Variants in RNF144A observed in about 807,000 individuals in gnomAD.
RNF144A encodes the protein E3 ubiquitin-protein ligase RNF144A.
A neutral mutation model predicts 38.7 loss-of-function variants in RNF144A; 11 were observed. That is an observed-to-expected ratio of 0.28 (90% CI 0.18 to 0.47). The LOEUF (loss-of-function observed/expected upper bound fraction) is 0.47. RNF144A is among the 20% of genes least tolerant of loss of function. The probability of loss-of-function intolerance (pLI) is 0.99; values close to 1 mark genes in which losing one functional copy is unlikely to be tolerated. For synonymous variants in RNF144A, 149 were observed against 143.9 expected (o/e 1.04, Z -0.25); for missense variants, 316 against 377.2 (o/e 0.84, Z 1.34).
intron 6 of RNF144A, among the ~76,000 whole-genome samples, chr2:7,058,279 G>A (rs1383147692): frequency 5.3e-5 from 8 of 150,274 alleles, no homozygotes; most frequent in Admixed American, 1.3e-4. Context: ...CCCAAGCCAC[G>A]AGGGTAACAT....
At chr2:6,977,624 G>A (rs1025734137) in intron 2 of RNF144A, among the ~76,000 whole-genome samples, 2 of 152,298 alleles carry the variant, frequency 1.3e-5, no homozygotes, top group African/African-American at 2.4e-5. Flanking sequence ...CAGGAGAAGC[G>A]GTAAACCTTT....
At chr2:7,047,400 G>C (rs1275689619), downstream of RNF144A, among the ~76,000 whole-genome samples, 1 of 152,198 alleles carries the variant, frequency 6.6e-6, no homozygotes, top group Non-Finnish European at 1.5e-5. Flanking sequence ...GTTCCACATG[G>C]CGGGGGAGGC....
intron 2 of RNF144A, among the ~76,000 whole-genome samples, chr2:6,963,898 T>G (rs765370824): frequency 2.0e-5 from 3 of 152,162 alleles, no homozygotes; most frequent in Non-Finnish European, 1.5e-5. Context: ...AGAGCCATCC[T>G]TCTGGCAGCT....
At chr2:6,940,153 A>C (rs1030028767) in intron 1 of RNF144A, among the ~76,000 whole-genome samples, 1 of 152,212 alleles carries the variant, frequency 6.6e-6, no homozygotes, top group African/African-American at 2.4e-5. Context: ...CAATCTGTTA[A>C]TATATTAGTT....
At chr2:7,048,305 G>T (rs557040103), downstream of RNF144A, among the ~76,000 whole-genome samples, 1 of 152,172 alleles carries the variant, frequency 6.6e-6, no homozygotes, top group South Asian at 2.1e-4. Flanking sequence ...GGTGCCCATC[G>T]CAGGACAAAC....
At chr2:7,009,606 A>G (rs4669124) in intron 3 of RNF144A, among the ~76,000 whole-genome samples, 46,538 of 151,844 alleles carry the variant, frequency 0.31, 7,514 homozygotes, top group African/African-American at 0.39. Flanking sequence ...TCACAGTCCT[A>G]CATCCTTGAG....
intron 2 of RNF144A, among the ~76,000 whole-genome samples, chr2:6,990,609 A>G (rs1019712655): frequency 6.6e-6 from 1 of 151,600 alleles, no homozygotes; most frequent in African/African-American, 2.4e-5. Context: ...ACACAGATAT[A>G]TAGACTTCTA....
At chr2:6,982,580 C>T (rs1163055940) in intron 2 of RNF144A, among the ~76,000 whole-genome samples, 5 of 152,042 alleles carry the variant, frequency 3.3e-5, no homozygotes, top group South Asian at 2.1e-4. Flanking sequence ...ATTTTTCCTT[C>T]GGGGAAAAAA....
chr2:7,050,121 C>G (rs187399593), intron 6 of RNF144A, among the ~76,000 whole-genome samples: 1 of 152,270 alleles, frequency 6.6e-6, no homozygotes, highest in East Asian at 1.9e-4. Flanking sequence ...GTTCCCTGTC[C>G]TCAGTTCGGG....
chr2:7,025,752 C>T (rs1671849858), intron 7 of RNF144A, among the ~76,000 whole-genome samples: 1 of 152,184 alleles, frequency 6.6e-6, no homozygotes, highest in Non-Finnish European at 1.5e-5. Flanking sequence ...GTAGCTAGGA[C>T]AGTCCAAGCA....
chr2:7,003,436 T>A (rs1054231502), intron 3 of RNF144A, among the ~76,000 whole-genome samples: 1 of 152,226 alleles, frequency 6.6e-6, no homozygotes, highest in African/African-American at 2.4e-5. Context: ...AAACCTCTTC[T>A]ATGTTTAGAA....
chr2:7,030,643 T>C (rs951984309), intron 8 of RNF144A, among the ~76,000 whole-genome samples: 1 of 152,000 alleles, frequency 6.6e-6, no homozygotes, highest in African/African-American at 2.4e-5. Context: ...GTGGAAAAAT[T>C]CCGAGGTCAG....
At chr2:7,001,161 G>A (rs1389163516) in intron 3 of RNF144A, among the ~76,000 whole-genome samples, 3 of 151,906 alleles carry the variant, frequency 2.0e-5, no homozygotes, top group Admixed American at 6.6e-5. Flanking sequence ...GTATCTGGGC[G>A]TGGTGGCGTG....
At chr2:7,066,966 C>A (rs1323175020) in intron 6 of RNF144A, among the ~76,000 whole-genome samples, 2 of 152,240 alleles carry the variant, frequency 1.3e-5, no homozygotes, top group South Asian at 2.1e-4. Flanking sequence ...TCAAAAAGAG[C>A]CTAGGTGGTC....
chr2:7,007,659 G>C (rs1438857536), intron 3 of RNF144A, among the ~76,000 whole-genome samples: 4 of 152,106 alleles, frequency 2.6e-5, no homozygotes, highest in Non-Finnish European at 5.9e-5. Flanking sequence ...GAAGTGACAG[G>C]CCGAGTCCCT....
intron 1 of RNF144A, among the ~76,000 whole-genome samples, chr2:6,928,151 T>C (rs1333705376): frequency 6.6e-6 from 1 of 152,252 alleles, no homozygotes; most frequent in African/African-American, 2.4e-5. Flanking sequence ...GACTCAACTG[T>C]TCAACCAGCT....
chr2:6,920,186 CA>C (rs1035380042), intron 1 of RNF144A, among the ~76,000 whole-genome samples: 148 of 152,352 alleles, frequency 9.7e-4, no homozygotes, highest in Admixed American at 1.9e-3. Context: ...CACGTGGCCC[CA>C]CTGCCTACTT....
chr2:6,928,094 C>T (rs1453407658), intron 1 of RNF144A, among the ~76,000 whole-genome samples: 1 of 152,204 alleles, frequency 6.6e-6, no homozygotes, highest in Non-Finnish European at 1.5e-5. Context: ...ACTCTTGTCC[C>T]ACTTGCCCTG....
chr2:6,945,596 AGATCAAG>A (rs1666285860), intron 2 of RNF144A, among the ~76,000 whole-genome samples: 1 of 152,240 alleles, frequency 6.6e-6, no homozygotes. Flanking sequence ...TTCTCTAGAA[AGATCAAG>A]TCAGCATTTA....
Sources: gnomAD v4.1 joint callset for allele counts (sites outside exome capture counted in the v4.1 genomes callset) on GRCh38, gnomAD v4.1.1 for gene constraint, MANE v1.5 for transcripts, NCBI Gene and HGNC (gene_info 2026-07-23, HGNC 2026-07-21) for gene names.